Variants in TBC1D5 observed in about 807,000 individuals in gnomAD.
TBC1D5 encodes TBC1 domain family, member 5.
TBC1D5 carries 75 observed loss-of-function variants against 100.3 expected under a neutral mutation model. That is an observed-to-expected ratio of 0.75 (90% CI 0.62 to 0.91). The LOEUF (loss-of-function observed/expected upper bound fraction) is 0.91. Ranked by LOEUF, TBC1D5 falls within the 40% of genes least tolerant of loss-of-function variation. The pLI, the probability that TBC1D5 is intolerant of heterozygous loss-of-function variation, is 0.00. For synonymous variants in TBC1D5, 323 were observed against 325.6 expected (o/e 0.99, Z 0.09); for missense variants, 910 against 942.4 (o/e 0.97, Z 0.45).
At chr3:17,300,249 G>A (rs2082693536) in intron 14 of TBC1D5, among the ~76,000 whole-genome samples, 1 of 152,204 alleles carries the variant, frequency 6.6e-6, no homozygotes, top group African/African-American at 2.4e-5. Flanking sequence ...TAGTCAGGAA[G>A]TGCTTAAACA....
chr3:17,323,199 A>G (rs2085651205), intron 13 of TBC1D5, among the ~76,000 whole-genome samples: 1 of 152,218 alleles, frequency 6.6e-6, no homozygotes, highest in South Asian at 2.1e-4. Context: ...ACAACTGAAA[A>G]GGAAGGAAAT....
chr3:17,509,182 C>T (rs1016712759), intron 2 of TBC1D5, among the ~76,000 whole-genome samples: 1 of 151,298 alleles, frequency 6.6e-6, no homozygotes. Context: ...AAGAAAAAAA[C>T]AATTGTGTGT....
intron 2 of TBC1D5, among the ~76,000 whole-genome samples, chr3:17,562,757 G>A (rs543172658): frequency 1.3e-5 from 2 of 152,218 alleles, no homozygotes; most frequent in Admixed American, 1.3e-4. Flanking sequence ...ACATATTCCT[G>A]GATGGGAATG....
chr3:17,206,460 GAAGT>G (rs1242778537), intron 18 of TBC1D5, among the ~76,000 whole-genome samples: 1 of 152,128 alleles, frequency 6.6e-6, no homozygotes, highest in Non-Finnish European at 1.5e-5. Flanking sequence ...CAGTTTTCTA[GAAGT>G]AAGAGTCTGC....
At chr3:17,594,843 G>A (rs2060464271) in intron 2 of TBC1D5, among the ~76,000 whole-genome samples, 1 of 152,080 alleles carries the variant, frequency 6.6e-6, no homozygotes, top group East Asian at 1.9e-4. Context: ...ACAAGGGGTG[G>A]ACGTGTGATG....
intron 1 of TBC1D5, among the ~76,000 whole-genome samples, chr3:17,654,339 A>T (rs544032895): frequency 5.9e-5 from 9 of 152,310 alleles, no homozygotes; most frequent in South Asian, 4.1e-4. Flanking sequence ...TTGAAAAAAA[A>T]TTTTGATATG....
At chr3:17,327,151 T>C (rs1020416190) in intron 13 of TBC1D5, among the ~76,000 whole-genome samples, 10 of 152,238 alleles carry the variant, frequency 6.6e-5, no homozygotes, top group African/African-American at 2.4e-4. Context: ...ATACCACTAC[T>C]GTTATATTAT....
chr3:17,365,411 A>G (rs1368370481), intron 13 of TBC1D5, among the ~76,000 whole-genome samples: 2 of 152,096 alleles, frequency 1.3e-5, no homozygotes, highest in Non-Finnish European at 2.9e-5. Context: ...TCATCAATTA[A>G]CCCTTTGTAG....
intron 2 of TBC1D5, among the ~76,000 whole-genome samples, chr3:17,615,724 G>T (rs1165060842): frequency 6.6e-6 from 1 of 152,204 alleles, no homozygotes. Context: ...TGTGGGATCA[G>T]TGATAATATT....
At chr3:17,227,841 C>A (rs1465862851) in intron 17 of TBC1D5, among the ~76,000 whole-genome samples, 3 of 146,888 alleles carry the variant, frequency 2.0e-5, no homozygotes, top group Admixed American at 1.4e-4. Flanking sequence ...ACCACTGAAC[C>A]TAAAATAAAA....
chr3:17,453,079 T>TAAAAAAAAAAAAAAAAAAAAAAAAAAAA (rs570210975), intron 3 of TBC1D5, among the ~76,000 whole-genome samples: 1 of 81,902 alleles, frequency 1.2e-5, no homozygotes, highest in Admixed American at 1.4e-4. Context: ...AATGAAGAAA[T>TAAAAAAAAAAAAAAAAAAAAAAAAAAAA]AAAAAAAAAA....
chr3:17,695,601 G>C (rs1028738724), intron 1 of TBC1D5, among the ~76,000 whole-genome samples: 1 of 152,148 alleles, frequency 6.6e-6, no homozygotes, highest in African/African-American at 2.4e-5. Context: ...CATAAAGCAA[G>C]TCCTTAGAGA....
chr3:17,547,963 T>G (rs1186988275), intron 2 of TBC1D5, among the ~76,000 whole-genome samples: 1 of 152,202 alleles, frequency 6.6e-6, no homozygotes, highest in Non-Finnish European at 1.5e-5. Flanking sequence ...GTAAGTTGGC[T>G]AAGATCTAAA....
intron 2 of TBC1D5, among the ~76,000 whole-genome samples, chr3:17,563,340 T>G (rs1387805658): frequency 6.6e-6 from 1 of 152,168 alleles, no homozygotes; most frequent in Admixed American, 6.5e-5. Context: ...GAGTCTTGCA[T>G]ACAAAGTGGT....
chr3:17,188,182 C>A (rs1226811079), intron 18 of TBC1D5, among the ~76,000 whole-genome samples: 1 of 152,154 alleles, frequency 6.6e-6, no homozygotes, highest in African/African-American at 2.4e-5. Context: ...TGCGATGAGA[C>A]TGGGGCCCTC....
At chr3:17,539,964 T>C (rs374114601) in intron 2 of TBC1D5, among the ~76,000 whole-genome samples, 2 of 152,202 alleles carry the variant, frequency 1.3e-5, no homozygotes, top group Non-Finnish European at 2.9e-5. Flanking sequence ...CCACCAACAG[T>C]GCACAAGGGT....
At chr3:17,467,491 A>G (rs1200131489) in intron 3 of TBC1D5, among the ~76,000 whole-genome samples, 1 of 152,000 alleles carries the variant, frequency 6.6e-6, no homozygotes, top group East Asian at 1.9e-4. Context: ...TTTGGCTACA[A>G]GTGTCCAAAG....
chr3:17,631,979 T>C (rs1383709766), intron 1 of TBC1D5, among the ~76,000 whole-genome samples: 1 of 152,258 alleles, frequency 6.6e-6, no homozygotes, highest in Non-Finnish European at 1.5e-5. Context: ...TCAAGTCTTA[T>C]TATTTAAGAA....
chr3:17,518,050 T>A (rs2096013300), intron 2 of TBC1D5, among the ~76,000 whole-genome samples: 2 of 152,116 alleles, frequency 1.3e-5, no homozygotes, highest in African/African-American at 4.8e-5. Context: ...AGCAGATGCA[T>A]TACTTGTTAC....
Sources: gnomAD v4.1 joint callset for allele counts (sites outside exome capture counted in the v4.1 genomes callset) on GRCh38, gnomAD v4.1.1 for gene constraint, MANE v1.5 for transcripts, NCBI Gene and HGNC (gene_info 2026-07-23, HGNC 2026-07-21) for gene names.